The following SOX8 variants were observed in gnomAD, a reference collection of about 807,000 sequenced individuals.
SOX8 encodes transcription factor SOX-8.
SOX8 carries 9 observed loss-of-function variants against 22.9 expected under a neutral mutation model. The ratio of observed to expected loss-of-function variants is 0.39; its 90% confidence interval spans 0.24 to 0.69. The LOEUF (loss-of-function observed/expected upper bound fraction) is 0.69. Among genes scored for constraint, SOX8 ranks in the 30% least tolerant of loss-of-function variants. The pLI, the probability that SOX8 is intolerant of heterozygous loss-of-function variation, is 0.43. For missense variants in SOX8, 734 were observed against 699.4 expected, an observed-to-expected ratio of 1.05 and a Z score of -0.56; for synonymous variants, 416 against 330.6, an observed-to-expected ratio of 1.26 and a Z score of -2.80.
chr16:982,286 G>A lies in SOX8; in HGVS notation c.364G>A (p.Asp122Asn). Residue 122 changes from aspartate (D) to asparagine (N), a missense_variant, in exon 1 of 3, where the codon GAC becomes AAC. Around this residue, in one of 3 missense-constraint regions of SOX8, gnomAD observed 588 missense variants for 568.2 expected, o/e 1.03. Transcript: ENST00000293894. Reference protein sequence around the residue: ...WAQAARRKLADQYPHLHNAEL... With the variant: ...WAQAARRKLANQYPHLHNAEL... ...GCAGGCGGCGCGCCGCAAGCTGGCC[G>A]ACCAGTACCCGCACCTGCACAACGC... 1 of 1,518,890 alleles carries A rather than the reference G, an allele frequency of 6.6e-7. No homozygotes were observed. Among genetic ancestry groups the A allele is most frequent in the Non-Finnish European group, 8.8e-7 (1 of 1,134,364 alleles). 94.1% of individuals were successfully genotyped at this position (1,518,890 alleles called of 1,614,324 possible). A position where few individuals can be genotyped will look rare whatever the true frequency, so the allele number is the denominator to read the frequency against.
Position 984,727 on chromosome 16 carries a change from C to A in SOX8, c.682C>A (p.Pro228Thr). The change falls in exon 3 of 3, where the codon CCC becomes ACC. Residue 228 changes from proline (P) to threonine (T), a missense_variant. Pro to Thr is a conservative substitution (Grantham distance 38). Around this residue, in one of 3 missense-constraint regions of SOX8, gnomAD observed 588 missense variants for 568.2 expected, o/e 1.03. Transcript: ENST00000293894. ...GCAGACCCACGGGCCGCCCACCCCGCCCACCACCCCCAAGACGGAGCTGCA... is the reference window on the plus strand; with the variant it reads ...GCAGACCCACGGGCCGCCCACCCCGACCACCACCCCCAAGACGGAGCTGCA... ...TGQTHGPPTP[P>T]TTPKTELQQA... is the part of the protein sequence containing the mutation. The A allele has an allele frequency of 6.4e-7, 1 of 1,565,252 alleles. No homozygotes were observed. The highest frequency in any genetic ancestry group is 8.6e-7 in the Non-Finnish European group (1 of 1,159,218).
At position 985,159 on chromosome 16, in the gene SOX8, C is replaced by T. The variant is rs754246692; in HGVS notation, c.1114C>T (p.Pro372Ser). 6.2e-6 allele frequency: 10 copies of T among 1,606,690 alleles called. No homozygotes were observed. The South Asian group carries it at 6.6e-5, about 11-fold the overall frequency. ...SGQSSATPAA[P>S]AGPFAGSQGD... Reference sequence around the variant, plus strand: ...CCAGTCCAGCGCCACCCCGGCCGCCCCCGCCGGCCCCTTCGCCGGCTCACA... The same window carrying T: ...CCAGTCCAGCGCCACCCCGGCCGCCTCCGCCGGCCCCTTCGCCGGCTCACA... The change falls in exon 3 of 3, where the codon CCC becomes TCC. Residue 372 changes from proline (P) to serine (S), a missense_variant. Physicochemically the swap from Pro to Ser is moderately conservative, Grantham distance 74 (BLOSUM62 -1). Coordinates refer to ENST00000293894, the MANE Select transcript of SOX8 (RefSeq NM_014587.5).
chr16:984,615 G>T, intron 2 of SOX8, 86 bp from the exon 3 acceptor site: 1 of 794,856 alleles, frequency 1.3e-6, no homozygotes. Flanking sequence ...CAGTTAGCGC[G>T]GGCGTCCCTC....
chr16:981,802 G>GC lies in SOX8; in HGVS notation c.-121_-120insC. The GC allele has an allele frequency of 2.6e-6, 1 of 388,726 alleles. No homozygotes were observed. Among genetic ancestry groups the GC allele is most frequent in the Non-Finnish European group, 3.5e-6 (1 of 282,612 alleles). 24.1% of individuals were successfully genotyped at this position (388,726 alleles called of 1,614,324 possible). On this transcript the variant is annotated 5_prime_UTR_variant, in exon 1 of 3. Transcript: ENST00000293894. The stretch of plus-strand genomic sequence containing the variant: ...GAGCCTCGGCGGCGGCGGCGGCGGC[G>GC]GCAGGGGCGAGGGTCGGGGCCACCG...
chr16:983,871 G>A lies in SOX8; in HGVS notation c.566G>A (p.Gly189Asp), dbSNP rs1309194389. 3.1e-6 allele frequency: 5 copies of A among 1,611,482 alleles called. No homozygotes were observed. The highest frequency in any genetic ancestry group is 4.2e-6 in the Non-Finnish European group (5 of 1,179,274). ...GCCGGCCACAGCGACTCCGACTCGG[G>A]CGCGGAGCTGGGACCCCACCCTGGC... ...AKAGHSDSDS[G>D]AELGPHPGGG... Residue 189 changes from glycine (G) to aspartate (D), a missense_variant, in exon 2 of 3, where the codon GGC becomes GAC. Transcript: ENST00000293894.
Position 982,210 on chromosome 16 carries a change from C to A in SOX8, c.288C>A (p.Leu96=), listed in dbSNP as rs1159590811. The change falls in exon 1 of 3, where the codon CTC becomes CTA. Residue 96 remains leucine, a synonymous_variant. Coordinates refer to ENST00000293894, the MANE Select transcript of SOX8 (RefSeq NM_014587.5). ...MPVRGGGGGA[L]KAKPHVKRPM... is the part of the protein sequence containing the mutation. ...TGCGCGGCGGCGGCGGCGGCGCGCT[C>A]AAAGCCAAGCCGCATGTGAAGCGGC... The A allele has an allele frequency of 6.6e-7, 1 of 1,526,648 alleles. No individual in the cohort carries two copies. Among genetic ancestry groups the A allele is most frequent in the East Asian group, 2.6e-5 (1 of 38,452 alleles). The allele number at this position is 1,526,648 out of a possible 1,614,324, so 94.6% of individuals were successfully genotyped here.
rs575987467 is a variant in SOX8 at position 982,447 on chromosome 16, C to T, written c.422+103C>T. Reference sequence around the variant, plus strand: ...GGCGCAGAGCTCGCGGAGGTGGTGGCCACACGCAGGCTCCGGGCTCTGCAC... The same window carrying T: ...GGCGCAGAGCTCGCGGAGGTGGTGGTCACACGCAGGCTCCGGGCTCTGCAC... On this transcript the variant is annotated intron_variant, in intron 1 of 2. Coordinates refer to ENST00000293894, the MANE Select transcript of SOX8 (RefSeq NM_014587.5). The T allele has an allele frequency of 6.5e-4, 779 of 1,189,494 alleles. 1 individual carries two copies. The highest frequency in any genetic ancestry group is 4.7e-3 in the Middle Eastern group (15 of 3,200). The allele number at this position is 1,189,494 out of a possible 1,614,324, so 73.7% of individuals were successfully genotyped here. A position where few individuals can be genotyped will look rare whatever the true frequency, so the allele number is the denominator to read the frequency against.
rs529012200 is a variant in SOX8 at position 984,921 on chromosome 16, C to A, written c.876C>A (p.Gly292=). Residue 292 remains glycine, a synonymous_variant, in exon 3 of 3, where the codon GGC becomes GGA. Transcript: ENST00000293894. ...AGTTCGACCAGTACCTGCCCCTGGG[C>A]GGCCCCGCCCCACCCGAGCCGGGCC... ...VHEFDQYLPL[G]GPAPPEPGQA... is the part of the protein sequence containing the mutation. 6.2e-7 allele frequency: 1 copy of A among 1,603,734 alleles called. No homozygotes were observed. Among genetic ancestry groups the A allele is most frequent in the Non-Finnish European group, 8.5e-7 (1 of 1,174,844 alleles).
Position 982,246 on chromosome 16 carries a change from A to G in SOX8, c.324A>G (p.Ala108=), listed in dbSNP as rs1193281787. Reference sequence around the variant, plus strand: ...CGCATGTGAAGCGGCCCATGAACGCATTCATGGTGTGGGCGCAGGCGGCGC... The same window carrying G: ...CGCATGTGAAGCGGCCCATGAACGCGTTCATGGTGTGGGCGCAGGCGGCGC... ...AKPHVKRPMN[A]FMVWAQAARR... Residue 108 remains alanine (A), a synonymous_variant, in exon 1 of 3, where the codon GCA becomes GCG. Transcript: ENST00000293894. 3.2e-6 allele frequency: 5 copies of G among 1,547,764 alleles called. No individual in the cohort carries two copies. Among genetic ancestry groups the G allele is most frequent in the African/African-American group, 2.8e-5 (2 of 70,348 alleles).
chr16:985,502 T>G lies in SOX8; in HGVS notation c.*116T>G. On this transcript the variant is annotated 3_prime_UTR_variant, in exon 3 of 3. Transcript: ENST00000293894. ...GCTGAGCTCCAAGTGCCTGCTGAAGTCTGCAGGGAAACACGCTTGCTGCCC... is the reference window on the plus strand; with the variant it reads ...GCTGAGCTCCAAGTGCCTGCTGAAGGCTGCAGGGAAACACGCTTGCTGCCC... The G allele has an allele frequency of 8.2e-6, 7 of 857,822 alleles. No homozygotes were observed. In the South Asian group the frequency reaches 1.2e-4, roughly 14 times the overall value. The allele number at this position is 857,822 out of a possible 1,614,324, so 53.1% of individuals were successfully genotyped here.
Position 983,758 on chromosome 16 carries a change from C to G in SOX8, c.453C>G (p.Phe151Leu). 6.2e-7 allele frequency: 1 copy of G among 1,612,620 alleles called. No homozygotes were observed. The highest frequency in any genetic ancestry group is 8.5e-7 in the Non-Finnish European group (1 of 1,179,738). Residue 151 changes from phenylalanine (F) to leucine (L), a missense_variant, in exon 2 of 3, where the codon TTC becomes TTG. Coordinates refer to ENST00000293894, the MANE Select transcript of SOX8 (RefSeq NM_014587.5). The part of the protein sequence containing the change: ...RLLSESEKRP[F>L]VEEAERLRVQ... ...TGAGCGAGAGCGAGAAGCGGCCCTT[C>G]GTGGAGGAGGCAGAGCGCCTTCGCG...
rs758458908 is a variant in SOX8, at chr16:985,128, C to G, written c.1083C>G (p.Cys361Trp). ...GAGGCTCGCCCGACTACGGTTCCTGCAGCGGCCAGTCCAGCGCCACCCCGG... is the reference window on the plus strand; with the variant it reads ...GAGGCTCGCCCGACTACGGTTCCTGGAGCGGCCAGTCCAGCGCCACCCCGG... The part of the protein sequence containing the change: ...QPRGSPDYGS[C>W]SGQSSATPAA... The change falls in exon 3 of 3, where the codon TGC (cysteine) becomes TGG (tryptophan). Residue 361 changes from cysteine to tryptophan, a missense_variant. Cys to Trp is a radical substitution (Grantham distance 215). Coordinates refer to ENST00000293894, the MANE Select transcript of SOX8 (RefSeq NM_014587.5). The G allele has an allele frequency of 6.3e-7, 1 of 1,599,552 alleles. No individual in the cohort carries two copies.
chr16:985,164 C>T lies in SOX8; in HGVS notation c.1119C>T (p.Ala373=), dbSNP rs764104182. The change falls in exon 3 of 3, where the codon GCC becomes GCT. Residue 373 remains alanine (A), a synonymous_variant. Transcript: ENST00000293894. ...CCAGCGCCACCCCGGCCGCCCCCGC[C>T]GGCCCCTTCGCCGGCTCACAGGGCG... ...GQSSATPAAP[A]GPFAGSQGDY... The T allele has an allele frequency of 1.2e-5, 20 of 1,608,106 alleles. No individual in the cohort carries two copies. Among genetic ancestry groups the T allele is most frequent in the South Asian group, 3.3e-5 (3 of 90,770 alleles).
rs1310852410 is a variant in SOX8, at chr16:983,933, G to A, written c.628G>A (p.Asp210Asn). The change falls in exon 2 of 3, where the codon GAT becomes AAT. Residue 210 changes from aspartate (D) to asparagine (N), a missense_variant. By Grantham distance (23) the Asp-to-Asn change is conservative. This residue lies in a region of SOX8 where 588 missense variants were observed against 568.2 expected (regional missense o/e 1.03). Transcript: ENST00000293894. ...GTACAAGGCTGAAGCAGGGCTTGGAGATGGGCACCACCATGGCGACCACAC... is the reference window on the plus strand; with the variant it reads ...GTACAAGGCTGAAGCAGGGCTTGGAAATGGGCACCACCATGGCGACCACAC... ...AVYKAEAGLG[D>N]GHHHGDHTGQ... 1 of 1,562,868 alleles carries A rather than the reference G, an allele frequency of 6.4e-7. No homozygotes were observed. Among genetic ancestry groups the A allele is most frequent in the Non-Finnish European group, 8.7e-7 (1 of 1,151,600 alleles).
In SOX8 at chr16:982,244, G is replaced by T; in HGVS notation, c.322G>T (p.Ala108Ser). The T allele has an allele frequency of 6.5e-7, 1 of 1,547,970 alleles. No homozygotes were observed. Among genetic ancestry groups the T allele is most frequent in the Non-Finnish European group, 8.7e-7 (1 of 1,153,540 alleles). ...GCCGCATGTGAAGCGGCCCATGAAC[G>T]CATTCATGGTGTGGGCGCAGGCGGC... ...AKPHVKRPMNAFMVWAQAARR... is the reference protein window; with the variant it reads ...AKPHVKRPMNSFMVWAQAARR... The change falls in exon 1 of 3, where the codon GCA becomes TCA. Residue 108 changes from alanine (A) to serine (S), a missense_variant. By Grantham distance (99) the Ala-to-Ser change is moderately conservative (BLOSUM62 1). Around this residue, in one of 3 missense-constraint regions of SOX8, gnomAD observed 588 missense variants for 568.2 expected, o/e 1.03. Coordinates refer to ENST00000293894, the MANE Select transcript of SOX8 (RefSeq NM_014587.5).
chr16:985,022 C>T lies in SOX8; in HGVS notation c.977C>T (p.Ala326Val), dbSNP rs746310130. The T allele has an allele frequency of 4.7e-5, 74 of 1,562,188 alleles. No homozygotes were observed. The highest frequency in any genetic ancestry group is 3.7e-4 in the South Asian group (32 of 87,314). Residue 326 changes from alanine (A) to valine (V), a missense_variant, in exon 3 of 3, where the codon GCG becomes GTG. Around this residue, in one of 3 missense-constraint regions of SOX8, gnomAD observed 588 missense variants for 568.2 expected, o/e 1.03. Transcript: ENST00000293894. ...CACAAGAGTGCCCCGTCGGCCTCCG[C>T]GTCGCCCACCGAGACGGGTCCCCCA... Reference protein sequence around the residue: ...WAHKSAPSASASPTETGPPRP... With the variant: ...WAHKSAPSASVSPTETGPPRP...
chr16:983,590 C>T (rs1285676910), intron 1 of SOX8, 138 bp from the exon 2 acceptor site: 8 of 707,914 alleles, frequency 1.1e-5, no homozygotes, highest in South Asian at 4.0e-5. Flanking sequence ...CGGGAGGCTC[C>T]GGAGCGCACG....
chr16:983,760 TGGA>T lies in SOX8; in HGVS notation c.461_463del (p.Glu154del). ...AGCGAGAGCGAGAAGCGGCCCTTCG[TGGA>T]GGAGGCAGAGCGCCTTCGCGTGCAG... On this transcript the variant is annotated inframe_deletion, in exon 2 of 3. Transcript: ENST00000293894. 1 of 1,612,594 alleles carries T rather than the reference TGGA, an allele frequency of 6.2e-7. No individual in the cohort carries two copies. Among genetic ancestry groups the T allele is most frequent in the Non-Finnish European group, 8.5e-7 (1 of 1,179,722 alleles).
intron 1 of SOX8, 198 bp from the exon 2 acceptor site, chr16:983,530 C>T: frequency 2.0e-6 from 1 of 496,248 alleles, no homozygotes; most frequent in Non-Finnish European, 3.5e-6. Flanking sequence ...ACCAACCTTC[C>T]CAAACAGGCG....
Sources: gnomAD v4.1 joint callset for allele counts on GRCh38, gnomAD v4.1.1 for gene constraint, gnomAD v4.1.1 regional missense constraint, MANE v1.5 for transcripts, NCBI Gene and HGNC (gene_info 2026-07-23, HGNC 2026-07-21) for gene names.